NEK10: variants seen among roughly 807,000 people sequenced by gnomAD.
NEK10 encodes the protein serine/threonine-protein kinase Nek10.
In NEK10, 122 loss-of-function variants were observed where a neutral mutation model predicts 159.8. The ratio of observed to expected loss-of-function variants is 0.76; its 90% CI spans 0.66 to 0.89. The LOEUF (loss-of-function observed/expected upper bound fraction) is 0.89. NEK10 is among the 40% of genes least tolerant of loss of function. NEK10 has a pLI of 0.00. For synonymous variants in NEK10, 466 were observed against 457.1 expected (o/e 1.02, Z -0.25); for missense variants, 1,342 against 1,323.1 (o/e 1.01, Z -0.22).
intron 3 of NEK10, among the ~76,000 whole-genome samples, chr3:27,349,962 G>A (rs1226017757): frequency 2.0e-5 from 3 of 152,068 alleles, no homozygotes; most frequent in Non-Finnish European, 2.9e-5. Context: ...AAGAACAAAA[G>A]TAGAACACTG....
At position 27,344,220 on chromosome 3, in the gene NEK10, G is replaced by C. The variant is rs572385206; in HGVS notation, c.362+52C>G. On this transcript the variant is annotated intron_variant, in intron 5 of 35. Transcript: ENST00000691995. Reference sequence around the variant, plus strand: ...CAAATCATGTTCTAGAGACAAGATAGATGACATATGCCACTCTTCAGTAAA... The same window carrying C: ...CAAATCATGTTCTAGAGACAAGATACATGACATATGCCACTCTTCAGTAAA... 68 of 835,136 alleles carry C rather than the reference G, an allele frequency of 8.1e-5. No homozygotes were observed. The African/African-American group carries it at 9.6e-4, about 12-fold the overall frequency. 51.7% of individuals were successfully genotyped at this position (835,136 alleles called of 1,614,324 possible). A position where few individuals can be genotyped will look rare whatever the true frequency, so the allele number is the denominator to read the frequency against.
At chr3:27,284,192 C>T (rs1407020059) in intron 22 of NEK10, among the ~76,000 whole-genome samples, 1 of 152,072 alleles carries the variant, frequency 6.6e-6, no homozygotes, top group Non-Finnish European at 1.5e-5. Context: ...TTGAGACCAG[C>T]CTGGCCAACA....
Position 27,312,099 on chromosome 3 carries a change from A to G in NEK10, c.568T>C (p.Tyr190His), listed in dbSNP as rs1229565195. The change falls in exon 8 of 36, where the codon TAT becomes CAT. Residue 190 changes from tyrosine (Y) to histidine (H), a missense_variant and splice_region_variant. Transcript: ENST00000691995. ...GCTGTGTCCCTGCAATAACACTTAC[A>G]TGTCATGTTGACCAGCTTGTCCACA... ...HTVDKLVNMT[Y>H]IFQKLAAVKD... is the part of the protein sequence containing the mutation. 1 of 1,607,002 alleles carries G rather than the reference A, an allele frequency of 6.2e-7. No individual in the cohort carries two copies.
intron 23 of NEK10, among the ~76,000 whole-genome samples, chr3:27,210,127 T>TC (rs1477485317): frequency 6.6e-6 from 1 of 152,204 alleles, no homozygotes; most frequent in Non-Finnish European, 1.5e-5. Context: ...CCGTTTCTGT[T>TC]CCTTATAACA....
intron 5 of NEK10, among the ~76,000 whole-genome samples, chr3:27,341,024 GA>G (rs962313696): frequency 2.6e-5 from 4 of 151,906 alleles, no homozygotes; most frequent in Admixed American, 6.6e-5. Flanking sequence ...CCATAAAAAA[GA>G]AAAAAATCAC....
intron 4 of NEK10, 139 bp downstream of exon 4, chr3:27,345,947 A>C: frequency 1.3e-6 from 1 of 750,556 alleles, no homozygotes; most frequent in South Asian, 1.9e-5. Flanking sequence ...TTAAGCACTA[A>C]CTGAAAATAT....
intron 30 of NEK10, among the ~76,000 whole-genome samples, chr3:27,157,007 G>C (rs1945538369): frequency 8.5e-6 from 1 of 117,100 alleles, no homozygotes; most frequent in Non-Finnish European, 1.7e-5. Context: ...CCATAAAAAA[G>C]GAATGAATTA....
intron 4 of NEK10, among the ~76,000 whole-genome samples, chr3:27,345,081 G>A (rs1429671100): frequency 6.6e-6 from 1 of 152,166 alleles, no homozygotes; most frequent in African/African-American, 2.4e-5. Context: ...CCAAATACAT[G>A]ATACAATATT....
chr3:27,192,384 C>A, intron 25 of NEK10, 142 bp from the exon 26 acceptor site: 1 of 647,272 alleles, frequency 1.5e-6, no homozygotes, highest in Non-Finnish European at 2.7e-6. Context: ...GGATATCAAG[C>A]ACAGCTTTGA....
chr3:27,333,500 C>G (rs1001016919), intron 5 of NEK10, among the ~76,000 whole-genome samples: 1 of 150,846 alleles, frequency 6.6e-6, no homozygotes, highest in Non-Finnish European at 1.5e-5. Context: ...GAGCCCAGAT[C>G]GCATCATTGC....
At chr3:27,253,861 C>G (rs999420523) in intron 23 of NEK10, among the ~76,000 whole-genome samples, 5 of 152,238 alleles carry the variant, frequency 3.3e-5, no homozygotes, top group African/African-American at 1.2e-4. Flanking sequence ...TGTCGGGACC[C>G]TAGCCAGACT....
intron 22 of NEK10, among the ~76,000 whole-genome samples, chr3:27,280,912 G>GGTGTGTGTGTGTGT (rs148929788): frequency 5.1e-5 from 7 of 137,718 alleles, no homozygotes; most frequent in African/African-American, 1.5e-4. Flanking sequence ...ATGTACATAT[G>GGTGTGTGTGTGTGT]GTGTGTGTGT....
intron 23 of NEK10, among the ~76,000 whole-genome samples, chr3:27,247,728 G>C (rs930479262): frequency 6.6e-6 from 1 of 151,668 alleles, no homozygotes; most frequent in South Asian, 2.1e-4. Context: ...GTAGAGACAG[G>C]GTTTCGCCAT....
chr3:27,353,499 T>A (rs1178786545), intron 1 of NEK10, among the ~76,000 whole-genome samples: 1 of 152,198 alleles, frequency 6.6e-6, no homozygotes, highest in Non-Finnish European at 1.5e-5. Context: ...GGCATTTCAC[T>A]TCCACTGAAT....
chr3:27,349,562 C>T (rs560361164), intron 3 of NEK10, among the ~76,000 whole-genome samples: 34 of 152,256 alleles, frequency 2.2e-4, no homozygotes, highest in Non-Finnish European at 4.4e-4. Flanking sequence ...CTATCAAAAC[C>T]TTTATTTCAA....
At chr3:27,213,589 G>A (rs1951212206) in intron 23 of NEK10, among the ~76,000 whole-genome samples, 1 of 152,116 alleles carries the variant, frequency 6.6e-6, no homozygotes, top group Non-Finnish European at 1.5e-5. Context: ...GAATTCCAAA[G>A]AAACCTGAAA....
intron 30 of NEK10, among the ~76,000 whole-genome samples, chr3:27,157,193 A>G (rs1335206780): frequency 6.6e-6 from 1 of 151,514 alleles, no homozygotes; most frequent in Non-Finnish European, 1.5e-5. Flanking sequence ...AGAGTGGGAA[A>G]GGGGTGAGGA....
chr3:27,253,895 T>C (rs1955909783), intron 23 of NEK10, among the ~76,000 whole-genome samples: 1 of 152,140 alleles, frequency 6.6e-6, no homozygotes, highest in Non-Finnish European at 1.5e-5. Context: ...CCAGTACAAG[T>C]CTATGGCATC....
chr3:27,144,388 C>A (rs561016732), intron 30 of NEK10, among the ~76,000 whole-genome samples: 20 of 152,152 alleles, frequency 1.3e-4, no homozygotes, highest in Non-Finnish European at 2.6e-4. Flanking sequence ...TGAATATACA[C>A]CGGCATGCCT....
Sources: allele counts gnomAD v4.1 joint callset (sites outside exome capture counted in the v4.1 genomes callset), GRCh38; gene constraint gnomAD v4.1.1; transcripts MANE v1.5; gene names NCBI Gene and HGNC (gene_info 2026-07-23, HGNC 2026-07-21).